The following CAGE1 variants were observed in gnomAD, a reference collection of about 807,000 sequenced individuals.
The protein encoded by CAGE1 is cancer-associated gene 1 protein.
CAGE1 carries 66 observed loss-of-function variants against 94.9 expected under a neutral mutation model. That is an observed-to-expected ratio of 0.70 (90% CI 0.57 to 0.85). The LOEUF (loss-of-function observed/expected upper bound fraction) is 0.85. Among genes scored for constraint, CAGE1 ranks in the 40% least tolerant of loss-of-function variants. The pLI, the probability that CAGE1 is intolerant of heterozygous loss-of-function variation, is 0.00. For synonymous variants in CAGE1, 319 were observed against 321.0 expected, an observed-to-expected ratio of 0.99 and a Z score of 0.07; for missense variants, 865 against 950.4, an observed-to-expected ratio of 0.91 and a Z score of 1.18.
intron 11 of CAGE1, among the ~76,000 whole-genome samples, chr6:7,344,295 C>T (rs950360752): frequency 6.6e-6 from 1 of 152,184 alleles, no homozygotes; most frequent in African/African-American, 2.4e-5. Context: ...GTGGGCTTGG[C>T]GGGTCCCGCA....
rs143054631 is a variant in CAGE1 at position 7,371,010 on chromosome 6, T to C, written c.1747-945A>G. On this transcript the variant is annotated intron_variant, in intron 5 of 13. Coordinates refer to ENST00000502583, the MANE Select transcript of CAGE1 (RefSeq NM_001170692.2). ...AAAATAAGGAACTTAAAGAAAATTA[T>C]ATACTATGCTAAATTTCTGTACAAT... is the stretch of plus-strand genomic sequence containing the variant. 8.9e-4 allele frequency among the ~76,000 whole-genome samples: 136 copies of C among 152,354 alleles called. 5 individuals carry two copies. In the East Asian group the frequency reaches 0.023, roughly 25 times the overall value.
intron 7 of CAGE1, 144 bp downstream of exon 7, chr6:7,368,544 T>C (rs1753670198): frequency 4.1e-6 from 2 of 490,546 alleles, no homozygotes; most frequent in Non-Finnish European, 7.1e-6. Flanking sequence ...TTTATCTCTT[T>C]AGTGAGGGGC....
At chr6:7,380,569 G>A (rs1196619494) in intron 3 of CAGE1, among the ~76,000 whole-genome samples, 10 of 151,820 alleles carry the variant, frequency 6.6e-5, no homozygotes, top group African/African-American at 1.9e-4. Flanking sequence ...CCTGGGAGGC[G>A]GAGGTTGCAG....
chr6:7,352,290 C>CAAAAAAAAAAAAA (rs77426667), intron 11 of CAGE1, among the ~76,000 whole-genome samples: 8 of 43,532 alleles, frequency 1.8e-4, no homozygotes, highest in Non-Finnish European at 2.3e-4. Context: ...ACAATAGCTG[C>CAAAAAAAAAAAAA]AAAAAAAAAA....
At chr6:7,371,777 A>T (rs1483887826) in intron 5 of CAGE1, among the ~76,000 whole-genome samples, 1 of 152,138 alleles carries the variant, frequency 6.6e-6, no homozygotes, top group Non-Finnish European at 1.5e-5. Context: ...ACAGAGCGAG[A>T]CTCTGTCTTA....
intron 11 of CAGE1, among the ~76,000 whole-genome samples, chr6:7,343,689 T>C (rs1348479711): frequency 6.6e-6 from 1 of 152,206 alleles, no homozygotes; most frequent in African/African-American, 2.4e-5. Flanking sequence ...CAGATTTTGA[T>C]GAGTGACTTC....
Position 7,369,930 on chromosome 6 carries a change from G to C in CAGE1, c.1882C>G (p.Leu628Val). 1 of 1,610,714 alleles carries C rather than the reference G, an allele frequency of 6.2e-7. No individual in the cohort carries two copies. The highest frequency in any genetic ancestry group is 8.5e-7 in the Non-Finnish European group (1 of 1,179,044). Residue 628 changes from leucine (L) to valine (V), a missense_variant, in exon 6 of 14, where the codon CTC becomes GTC. Transcript: ENST00000502583. ...ATATGTTTTATTACCTGGCATGTGA[G>C]AAGTCCCACCATCAGAGCCAGAAGA... ...HSLLALMVGL[L>V]TCQDIINSDA...
intron 11 of CAGE1, among the ~76,000 whole-genome samples, chr6:7,338,387 T>C (rs1362784838): frequency 6.6e-6 from 1 of 152,190 alleles, no homozygotes; most frequent in African/African-American, 2.4e-5. Context: ...TTTTTGTAGG[T>C]GCTCTTTGTC....
At chr6:7,349,510 CA>C (rs925309559) in intron 11 of CAGE1, among the ~76,000 whole-genome samples, 5 of 149,956 alleles carry the variant, frequency 3.3e-5, no homozygotes, top group African/African-American at 9.8e-5. Context: ...ATTTAAAAAA[CA>C]AAAAAAAACC....
At chr6:7,364,066 C>T (rs1271194466) in intron 9 of CAGE1, among the ~76,000 whole-genome samples, 6 of 152,144 alleles carry the variant, frequency 3.9e-5, no homozygotes, top group African/African-American at 1.4e-4. Context: ...TTCCAGCTCC[C>T]ACTGCTGGGA....
At chr6:7,345,351 C>G (rs1759429623) in intron 11 of CAGE1, among the ~76,000 whole-genome samples, 2 of 140,884 alleles carry the variant, frequency 1.4e-5, no homozygotes, top group South Asian at 4.4e-4. Flanking sequence ...ATGAAAGAAA[C>G]TCTGAACACA....
At chr6:7,385,742 A>C (rs1360463296) in intron 3 of CAGE1, 43 bp downstream of exon 3, 1 of 1,261,592 alleles carries the variant, frequency 7.9e-7, no homozygotes, top group Non-Finnish European at 1.1e-6. Context: ...AACACAAAAA[A>C]AAGTTTCTCT....
At chr6:7,357,853 G>C (rs1419211619) in intron 9 of CAGE1, among the ~76,000 whole-genome samples, 2 of 150,916 alleles carry the variant, frequency 1.3e-5, no homozygotes, top group Admixed American at 6.6e-5. Context: ...GAGTGCAGTG[G>C]TGCAATCTCT....
At chr6:7,345,402 A>AT (rs1339980581) in intron 11 of CAGE1, among the ~76,000 whole-genome samples, 1 of 152,174 alleles carries the variant, frequency 6.6e-6, no homozygotes, top group Non-Finnish European at 1.5e-5. Flanking sequence ...GTGCCATCTT[A>AT]AGAGCTGTAA....
intron 11 of CAGE1, among the ~76,000 whole-genome samples, chr6:7,342,367 C>T (rs1408487593): frequency 6.6e-6 from 1 of 152,160 alleles, no homozygotes; most frequent in African/African-American, 2.4e-5. Context: ...CCTGCCTGCT[C>T]ATCAGCTGCA....
chr6:7,328,085 C>G (rs147737375), intron 13 of CAGE1, among the ~76,000 whole-genome samples: 2 of 152,094 alleles, frequency 1.3e-5, no homozygotes, highest in African/African-American at 4.8e-5. Flanking sequence ...TACAAATAGG[C>G]CACGGCATTT....
chr6:7,387,272 T>A, intron 1 of CAGE1, 76 bp from the exon 2 acceptor site: 1 of 761,838 alleles, frequency 1.3e-6, no homozygotes, highest in Non-Finnish European at 2.1e-6. Context: ...ATTAAGAAAG[T>A]AGCAAAGTTC....
At chr6:7,345,707 C>T (rs1419608840) in intron 11 of CAGE1, among the ~76,000 whole-genome samples, 3 of 151,852 alleles carry the variant, frequency 2.0e-5, no homozygotes, top group African/African-American at 7.3e-5. Flanking sequence ...GCGGGCAGAT[C>T]ATGAGGTCAG....
intron 11 of CAGE1, among the ~76,000 whole-genome samples, chr6:7,353,371 T>TA (rs892350840): frequency 4.6e-5 from 7 of 151,928 alleles, no homozygotes; most frequent in African/African-American, 1.7e-4. Context: ...ATGGCCATAA[T>TA]AAAAAAATCA....
Sources: gnomAD v4.1 joint callset for allele counts (sites outside exome capture counted in the v4.1 genomes callset) on GRCh38, gnomAD v4.1.1 for gene constraint, MANE v1.5 for transcripts, NCBI Gene and HGNC (gene_info 2026-07-23, HGNC 2026-07-21) for gene names.